GALNT14: variants seen among roughly 807,000 people sequenced by gnomAD.
The protein encoded by GALNT14 is polypeptide N-acetylgalactosaminyltransferase 14, also known as UDP-GalNAc:polypeptide N-acetylgalactosaminyltransferase 14.
Under a neutral mutation model 77.5 loss-of-function variants are expected in GALNT14, and 60 were observed. The observed-to-expected ratio is 0.77, with a 90% CI of 0.63 to 0.96. The LOEUF (loss-of-function observed/expected upper bound fraction) is 0.96, where lower values mean the gene tolerates loss of function less well. GALNT14 is among the 40% of genes least tolerant of loss of function. The pLI, the probability that GALNT14 is intolerant of heterozygous loss-of-function variation, is 0.00. For synonymous variants in GALNT14, 280 were observed against 281.7 expected (o/e 0.99, Z 0.06); for missense variants, 710 against 731.0 (o/e 0.97, Z 0.33).
chr2:31,091,029 A>G (rs1676710886), intron 1 of GALNT14, among the ~76,000 whole-genome samples: 1 of 152,182 alleles, frequency 6.6e-6, no homozygotes, highest in Admixed American at 6.5e-5. Context: ...ATGAAGGACA[A>G]TGCCTTCCTC....
intron 9 of GALNT14, among the ~76,000 whole-genome samples, chr2:30,936,588 C>T (rs193166053): frequency 4.8e-4 from 73 of 152,288 alleles, no homozygotes; most frequent in Non-Finnish European, 7.8e-4. Flanking sequence ...CATAAGTCCA[C>T]ACATATTTAT....
intron 1 of GALNT14, chr2:31,129,782 A>T (rs1678888556): frequency 2.2e-6 from 1 of 456,940 alleles, no homozygotes; most frequent in Admixed American, 6.4e-5. Flanking sequence ...AGCTACATAA[A>T]TCTTCAGCCC....
At chr2:30,931,418 G>A (rs184500864) in intron 10 of GALNT14, among the ~76,000 whole-genome samples, 8 of 152,314 alleles carry the variant, frequency 5.3e-5, no homozygotes, top group East Asian at 1.9e-4. Context: ...GAGAAAGATC[G>A]AAAGAGGAGA....
intron 1 of GALNT14, among the ~76,000 whole-genome samples, chr2:31,122,400 G>A (rs192509473): frequency 1.7e-3 from 254 of 152,320 alleles, no homozygotes; most frequent in African/African-American, 5.5e-3. Context: ...GCTTGGAATC[G>A]CATTTAACTC....
intron 1 of GALNT14, among the ~76,000 whole-genome samples, chr2:31,098,236 G>A (rs920145451): frequency 6.6e-6 from 1 of 152,174 alleles, no homozygotes; most frequent in Non-Finnish European, 1.5e-5. Flanking sequence ...TCAAGATAAT[G>A]CTGATTTTAC....
chr2:31,104,933 C>T (rs1433204537), intron 1 of GALNT14, among the ~76,000 whole-genome samples: 1 of 152,154 alleles, frequency 6.6e-6, no homozygotes, highest in Non-Finnish European at 1.5e-5. Context: ...TTGTGGGAAG[C>T]TTTACTAATA....
At chr2:31,023,611 T>C (rs1010302062) in intron 1 of GALNT14, among the ~76,000 whole-genome samples, 1 of 152,170 alleles carries the variant, frequency 6.6e-6, no homozygotes, top group Non-Finnish European at 1.5e-5. Flanking sequence ...GTGATTCTAC[T>C]GAAATTGCCT....
chr2:30,936,185 C>T (rs1666048172), intron 9 of GALNT14, among the ~76,000 whole-genome samples: 1 of 152,126 alleles, frequency 6.6e-6, no homozygotes. Context: ...TCCATTCCCC[C>T]CACTTTCCTT....
At chr2:30,901,829 C>A in the GALNT14 span, among the ~76,000 whole-genome samples, 2 of 152,112 alleles carry the variant, frequency 1.3e-5, no homozygotes, top group Admixed American at 6.5e-5. Flanking sequence ...TGGCCACTTC[C>A]TCACCTGGCA....
At chr2:30,986,798 A>G (rs564719550) in intron 2 of GALNT14, 21 of 152,270 alleles carry the variant, frequency 1.4e-4, no homozygotes, top group African/African-American at 4.8e-4. Flanking sequence ...GCCCCATTTT[A>G]TTCATCTTTG....
chr2:31,015,583 T>G (rs966527835), intron 1 of GALNT14, among the ~76,000 whole-genome samples: 1 of 152,254 alleles, frequency 6.6e-6, no homozygotes, highest in Non-Finnish European at 1.5e-5. Context: ...TGATGGAGAC[T>G]GCTGGCCAGT....
At chr2:31,059,042 G>A (rs1674419412) in intron 1 of GALNT14, among the ~76,000 whole-genome samples, 1 of 152,166 alleles carries the variant, frequency 6.6e-6, no homozygotes, top group Non-Finnish European at 1.5e-5. Context: ...CAGCCATTGA[G>A]TGTCTGTGGT....
At chr2:31,045,983 T>C (rs921106227) in intron 1 of GALNT14, among the ~76,000 whole-genome samples, 1 of 152,126 alleles carries the variant, frequency 6.6e-6, no homozygotes, top group Non-Finnish European at 1.5e-5. Context: ...TGGAATAAAG[T>C]AGAGAAGAGT....
chr2:31,113,479 G>C (rs978836118), intron 1 of GALNT14, among the ~76,000 whole-genome samples: 4 of 152,170 alleles, frequency 2.6e-5, no homozygotes, highest in Admixed American at 2.0e-4. Flanking sequence ...AGAATGTTCT[G>C]AGGGGATCTC....
At chr2:30,917,222 T>G (rs1664738538) in intron 13 of GALNT14, among the ~76,000 whole-genome samples, 1 of 149,968 alleles carries the variant, frequency 6.7e-6, no homozygotes, top group South Asian at 2.2e-4. Flanking sequence ...CTCTCGACTC[T>G]CCCCACTCAG....
chr2:30,968,833 G>A (rs1275664568), intron 2 of GALNT14, among the ~76,000 whole-genome samples: 1 of 152,242 alleles, frequency 6.6e-6, no homozygotes, highest in Admixed American at 6.5e-5. Context: ...GAAGGAGAAT[G>A]CCTTGAAACA....
intron 1 of GALNT14, among the ~76,000 whole-genome samples, chr2:31,118,581 G>A (rs552060435): frequency 1.3e-5 from 2 of 152,162 alleles, no homozygotes; most frequent in South Asian, 4.2e-4. Flanking sequence ...AAGTTAAAAT[G>A]TGATATAGAA....
At chr2:30,901,604 G>T in the GALNT14 span, among the ~76,000 whole-genome samples, 5 of 151,134 alleles carry the variant, frequency 3.3e-5, no homozygotes, top group African/African-American at 4.9e-5. Context: ...ATATGTGTGT[G>T]TATATATATA....
chr2:30,940,525 C>T (rs575352590), intron 9 of GALNT14, among the ~76,000 whole-genome samples: 2 of 152,248 alleles, frequency 1.3e-5, no homozygotes, highest in Middle Eastern at 3.4e-3. Flanking sequence ...TGTGAAATAG[C>T]GAATGCATCA....
Sources: allele counts gnomAD v4.1 joint callset (sites outside exome capture counted in the v4.1 genomes callset), GRCh38; gene constraint gnomAD v4.1.1; transcripts MANE v1.5; gene names NCBI Gene and HGNC (gene_info 2026-07-23, HGNC 2026-07-21).